The following SIN3A variants were observed in gnomAD, a reference collection of about 807,000 sequenced individuals.
SIN3A encodes paired amphipathic helix protein Sin3a.
A neutral mutation model predicts 146.1 loss-of-function variants in SIN3A; 14 were observed. That is an observed-to-expected ratio of 0.10 (90% CI 0.06 to 0.15). SIN3A has a LOEUF of 0.15. SIN3A is among the 10% of genes least tolerant of loss of function. The pLI is 1.00. For synonymous variants in SIN3A, 572 were observed against 572.0 expected (o/e 1.00, Z 0.00); for missense variants, 1,028 against 1,576.0 (o/e 0.65, Z 5.89).
chr15:75,406,971 T>C (rs1312378746), intron 9 of SIN3A, 84 bp downstream of exon 9: 1 of 1,000,268 alleles, frequency 1.0e-6, no homozygotes, highest in Non-Finnish European at 1.5e-6. Context: ...CCTGACACCT[T>C]TAAAACGAAA....
intron 17 of SIN3A, among the ~76,000 whole-genome samples, chr15:75,383,211 G>A (rs936534175): frequency 1.3e-5 from 2 of 151,356 alleles, no homozygotes; most frequent in African/African-American, 4.9e-5. Context: ...GGCAGAGGTT[G>A]CAGTGAACCA....
At position 75,387,501 on chromosome 15, in the gene SIN3A, G is replaced by GA. The variant is rs34479080; in HGVS notation, c.3021+2150dup. Among the ~76,000 whole-genome samples the GA allele has an allele frequency of 1.4e-3, 139 of 100,260 alleles. 2 individuals are homozygous for GA. The highest frequency in any genetic ancestry group is 5.9e-3 in the East Asian group (20 of 3,400). The allele number at this position is 100,260 out of a possible 152,430, so 65.8% of individuals were successfully genotyped here. ...GGCAATAGAGTGAGACCCTGGGTTGGAAAAAAAAAAAAAAAAAAAGTCACT... is the reference window on the plus strand; with the variant it reads ...GGCAATAGAGTGAGACCCTGGGTTGGAAAAAAAAAAAAAAAAAAAAGTCACT... On this transcript the variant is annotated intron_variant, in intron 16 of 20. Coordinates refer to ENST00000394947, the MANE Select transcript of SIN3A (RefSeq NM_001145358.2).
At chr15:75,411,778 G>A (rs1567368912) in intron 5 of SIN3A, 35 bp from the exon 6 acceptor site, 1 of 1,533,206 alleles carries the variant, frequency 6.5e-7, no homozygotes, top group Non-Finnish European at 8.8e-7. Context: ...CTCTTCAGAT[G>A]CATAGATGAG....
intron 1 of SIN3A, chr15:75,436,516 T>C (rs1595924691): frequency 6.6e-6 from 1 of 152,162 alleles, no homozygotes; most frequent in Admixed American, 6.5e-5. Context: ...AGTGCTTAGA[T>C]GAAGTATACT....
At chr15:75,402,016 G>C in intron 9 of SIN3A, 46 bp from the exon 10 acceptor site, 1 of 1,272,210 alleles carries the variant, frequency 7.9e-7, no homozygotes, top group Non-Finnish European at 1.1e-6. Context: ...TTTTCTTAAA[G>C]TGGGGAACTG....
chr15:75,412,108 C>T (rs1420754097), intron 5 of SIN3A, among the ~76,000 whole-genome samples: 1 of 152,220 alleles, frequency 6.6e-6, no homozygotes, highest in Non-Finnish European at 1.5e-5. Flanking sequence ...GTTGCAGTAG[C>T]TCCACATAAA....
In SIN3A at chr15:75,376,167, C is replaced by G. The variant is rs2072851791; in HGVS notation, c.3384-295G>C. 8.8e-6 allele frequency: 4 copies of G among 454,016 alleles called. No individual in the cohort carries two copies. The South Asian group carries it at 1.1e-4, about 12-fold the overall frequency. 28.1% of individuals were successfully genotyped at this position (454,016 alleles called of 1,614,324 possible). ...GTAAATTTACACATGTAATTACCAG[C>G]TACAGTTCTGCTTTGGGATTTGTTT... On this transcript the variant is annotated intron_variant, in intron 19 of 20. Transcript: ENST00000394947.
intron 12 of SIN3A, among the ~76,000 whole-genome samples, chr15:75,397,227 T>G (rs2073321432): frequency 6.6e-6 from 1 of 152,170 alleles, no homozygotes; most frequent in Admixed American, 6.5e-5. Flanking sequence ...TACAACCAAC[T>G]GTTTGCAGAA....
intron 19 of SIN3A, among the ~76,000 whole-genome samples, chr15:75,377,624 CAAA>C (rs531657362): frequency 2.7e-5 from 3 of 109,428 alleles, no homozygotes; most frequent in African/African-American, 1.0e-4. Flanking sequence ...GACTCTGCCT[CAAA>C]AAAAAAAAAA....
chr15:75,392,517 C>T lies in SIN3A; in HGVS notation c.2576G>A (p.Gly859Asp). The T allele has an allele frequency of 6.2e-7, 1 of 1,614,080 alleles. No homozygotes were observed. The highest frequency in any genetic ancestry group is 8.5e-7 in the Non-Finnish European group (1 of 1,180,024). The change falls in exon 15 of 21, where the codon GGC becomes GAC. Residue 859 changes from glycine (G) to aspartate (D), a missense_variant. Gly to Asp is a moderately conservative substitution (Grantham distance 94). Coordinates refer to ENST00000394947, the MANE Select transcript of SIN3A (RefSeq NM_001145358.2). ...GAVKKHNGVG[G>D]SPPKSKLLFS... is the part of the protein sequence containing the mutation. Reference sequence around the variant, plus strand: ...CAGTAACTTGGACTTAGGGGGACTGCCCCCAACACCATTGTGCTTCTTAAC... The same window carrying T: ...CAGTAACTTGGACTTAGGGGGACTGTCCCCAACACCATTGTGCTTCTTAAC...
intron 17 of SIN3A, among the ~76,000 whole-genome samples, chr15:75,383,405 C>T (rs1486912563): frequency 6.6e-6 from 1 of 151,676 alleles, no homozygotes; most frequent in Non-Finnish European, 1.5e-5. Context: ...TCTAAGGTGA[C>T]TTTTTTTGGT....
intron 9 of SIN3A, among the ~76,000 whole-genome samples, chr15:75,404,190 G>A (rs1487381986): frequency 2.6e-5 from 4 of 152,184 alleles, no homozygotes; most frequent in African/African-American, 7.2e-5. Flanking sequence ...CTATTCATCA[G>A]TAGACACTAT....
intron 1 of SIN3A, among the ~76,000 whole-genome samples, chr15:75,441,498 T>C (rs377564566): frequency 3.3e-5 from 5 of 152,016 alleles, no homozygotes; most frequent in African/African-American, 7.2e-5. Flanking sequence ...CTCCCTACAT[T>C]GCACAGGCCG....
intron 14 of SIN3A, among the ~76,000 whole-genome samples, chr15:75,394,410 G>A (rs904600174): frequency 1.3e-5 from 2 of 152,198 alleles, no homozygotes; most frequent in African/African-American, 4.8e-5. Context: ...AAGGAAACAG[G>A]TAGTCGGAGA....
intron 15 of SIN3A, among the ~76,000 whole-genome samples, 183 bp from the exon 16 acceptor site, chr15:75,390,004 G>A (rs990782795): frequency 1.3e-5 from 2 of 152,216 alleles, no homozygotes; most frequent in African/African-American, 4.8e-5. Flanking sequence ...ACAATCACCA[G>A]CACTATCAGA....
intron 16 of SIN3A, among the ~76,000 whole-genome samples, chr15:75,386,760 G>A (rs1207174519): frequency 2.0e-5 from 3 of 152,148 alleles, no homozygotes; most frequent in Admixed American, 6.5e-5. Flanking sequence ...TTCTGTACTT[G>A]GATGTCTGTG....
At chr15:75,438,319 C>T (rs767385402) in intron 1 of SIN3A, among the ~76,000 whole-genome samples, 1 of 151,846 alleles carries the variant, frequency 6.6e-6, no homozygotes, top group Non-Finnish European at 1.5e-5. Flanking sequence ...GAGCTGAGAT[C>T]GCGCCACCGC....
chr15:75,400,837 T>C lies in SIN3A; in HGVS notation c.1630A>G (p.Met544Val), dbSNP rs2073398334. The C allele has an allele frequency of 1.2e-6, 2 of 1,614,100 alleles. No individual in the cohort carries two copies. Among genetic ancestry groups the C allele is most frequent in the Middle Eastern group, 1.7e-4 (1 of 6,050 alleles). ...PKERATEGIA[M>V]EIDYASCKRL... ...TTACAAGAAGCATAATCTATCTCCATAGCAATGCCCTCTGTGGCTCGCTCC... is the reference window on the plus strand; with the variant it reads ...TTACAAGAAGCATAATCTATCTCCACAGCAATGCCCTCTGTGGCTCGCTCC... Residue 544 changes from methionine to valine, a missense_variant, in exon 11 of 21, where the codon ATG becomes GTG. Physicochemically the swap from Met to Val is conservative, Grantham distance 21. Coordinates refer to ENST00000394947, the MANE Select transcript of SIN3A (RefSeq NM_001145358.2).
intron 19 of SIN3A, among the ~76,000 whole-genome samples, chr15:75,376,937 G>A (rs1020734334): frequency 3.9e-4 from 59 of 149,380 alleles, no homozygotes; most frequent in Middle Eastern, 3.5e-3. Context: ...AAGTATTTCT[G>A]TAGACAGCAG....
Sources: allele counts gnomAD v4.1 joint callset (sites outside exome capture counted in the v4.1 genomes callset), GRCh38; gene constraint gnomAD v4.1.1; transcripts MANE v1.5; gene names NCBI Gene and HGNC (gene_info 2026-07-23, HGNC 2026-07-21).